Variants in MGAM observed in about 807,000 individuals in gnomAD.
MGAM encodes the protein maltase-glucoamylase.
In MGAM, 253 loss-of-function variants were observed where a neutral mutation model predicts 358.8. The ratio of observed to expected loss-of-function variants is 0.71; its 90% CI spans 0.64 to 0.78. MGAM has a LOEUF of 0.78. Among genes scored for constraint, MGAM ranks in the 30% least tolerant of loss-of-function variants. The probability of loss-of-function intolerance (pLI) is 0.00; values close to 1 mark genes in which losing one functional copy is unlikely to be tolerated. For missense variants in MGAM, 3,080 were observed against 3,432.6 expected (o/e 0.90, Z 2.57); for synonymous variants, 1,105 against 1,227.1 (o/e 0.90, Z 2.08).
chr7:142,001,804 T>G (rs1365028557), intron 1 of MGAM, among the ~76,000 whole-genome samples: 1 of 152,182 alleles, frequency 6.6e-6, no homozygotes, highest in Non-Finnish European at 1.5e-5. Flanking sequence ...GACTGACATA[T>G]TTTGTAGGAA....
chr7:142,042,009 A>AC (rs796671101), intron 21 of MGAM, among the ~76,000 whole-genome samples: 2,341 of 16,104 alleles, frequency 0.15, 328 homozygotes, highest in African/African-American at 0.38. Context: ...TTATATATAT[A>AC]ATATAATATA....
rs765963857 is a variant in MGAM at position 142,085,783 on chromosome 7, G to T, written c.6508-50G>T. On this transcript the variant is annotated intron_variant, in intron 54 of 70. Coordinates refer to ENST00000475668, the MANE Select transcript of MGAM (RefSeq NM_001365693.1). ...TGGTGGAGGCTTGTTCTCCTATAAA[G>T]CTTGGGCGTGTACAGCAGCAGCCTC... 2.7e-5 allele frequency: 42 copies of T among 1,539,408 alleles called. 5 individuals are homozygous for T. Among genetic ancestry groups the T allele is most frequent in the Non-Finnish European group, 3.5e-5 (39 of 1,123,992 alleles).
At chr7:141,994,634 G>T (rs191425282), upstream of MGAM, among the ~76,000 whole-genome samples, 257 of 152,314 alleles carry the variant, frequency 1.7e-3, 1 homozygote, top group African/African-American at 5.9e-3. Context: ...ATCTTGAATT[G>T]TAATCCCCAT....
chr7:142,105,667 C>A, intron 70 of MGAM, 147 bp from the exon 71 acceptor site: 1 of 597,082 alleles, frequency 1.7e-6, no homozygotes, highest in East Asian at 2.8e-5. Flanking sequence ...CCCTTCTCAT[C>A]TGAAACTTTG....
chr7:141,996,953 T>C (rs1804285880), intron 1 of MGAM, among the ~76,000 whole-genome samples: 1 of 152,098 alleles, frequency 6.6e-6, no homozygotes, highest in South Asian at 2.1e-4. Flanking sequence ...TAAATTGTTG[T>C]TGGCCCTTAA....
At chr7:142,041,955 TATA>T (rs1808715966) in intron 21 of MGAM, among the ~76,000 whole-genome samples, 1 of 25,250 alleles carries the variant, frequency 4.0e-5, no homozygotes, top group Non-Finnish European at 7.2e-5. Flanking sequence ...TATACATATA[TATA>T]ATATATATAT....
intron 2 of MGAM, among the ~76,000 whole-genome samples, chr7:141,990,875 A>G (rs1584877567): frequency 6.6e-6 from 1 of 151,960 alleles, no homozygotes; most frequent in South Asian, 2.1e-4. Flanking sequence ...CCACCCAGCT[A>G]TGGCTTTGAT....
chr7:142,074,106 T>C lies in MGAM; in HGVS notation c.5208T>C (p.Leu1736=). 6.5e-7 allele frequency: 1 copy of C among 1,544,334 alleles called. No individual in the cohort carries two copies. The highest frequency in any genetic ancestry group is 1.1e-5 in the South Asian group (1 of 88,874). Reference sequence around the variant, plus strand: ...ACAGTCGAAAGAACCCTCTTGGTCTTATTATTGCCCTAGATGAAAACAAAG... The same window carrying C: ...ACAGTCGAAAGAACCCTCTTGGTCTCATTATTGCCCTAGATGAAAACAAAG... ...THLSRKNPLG[L]IIALDENKEA... is the part of the protein sequence containing the mutation. Residue 1736 remains leucine, a synonymous_variant, in exon 45 of 71, where the codon CTT becomes CTC. Transcript: ENST00000475668.
chr7:142,047,756 C>G (rs776975310), intron 21 of MGAM, 29 bp from the exon 22 acceptor site: 3 of 1,587,418 alleles, frequency 1.9e-6, no homozygotes, highest in East Asian at 2.2e-5. Flanking sequence ...TGACTCCTGT[C>G]TTTGTGTCTT....
At chr7:142,058,487 G>A (rs1485277098) in intron 31 of MGAM, among the ~76,000 whole-genome samples, 159 bp downstream of exon 31, 1 of 152,174 alleles carries the variant, frequency 6.6e-6, no homozygotes, top group Non-Finnish European at 1.5e-5. Flanking sequence ...TATAGGTAAG[G>A]GCACTTGTTT....
intron 37 of MGAM, 139 bp from the exon 38 acceptor site, chr7:142,065,196 C>T: frequency 8.3e-7 from 1 of 1,201,128 alleles, no homozygotes; most frequent in Non-Finnish European, 1.2e-6. Context: ...AGTGGAACTC[C>T]TATTACAGCT....
At chr7:142,041,775 A>C (rs565452481) in intron 21 of MGAM, among the ~76,000 whole-genome samples, 5 of 146,184 alleles carry the variant, frequency 3.4e-5, no homozygotes, top group African/African-American at 1.3e-4. Flanking sequence ...TAATGATCCA[A>C]ATGAAACTTT....
chr7:142,008,471 G>C (rs782767791), intron 2 of MGAM, 35 bp from the exon 3 acceptor site: 5 of 1,561,642 alleles, frequency 3.2e-6, no homozygotes, highest in Non-Finnish European at 4.3e-6. Flanking sequence ...AATTAAATTT[G>C]TCTAATGGTC....
intron 17 of MGAM, among the ~76,000 whole-genome samples, chr7:142,036,573 A>C (rs1032915749): frequency 3.9e-5 from 6 of 152,232 alleles, no homozygotes; most frequent in African/African-American, 1.4e-4. Flanking sequence ...ATAAGAAGCA[A>C]ACAAGGAAAT....
chr7:142,032,840 T>C lies in MGAM; in HGVS notation c.1600T>C (p.Ser534Pro). 4 of 1,610,248 alleles carry C rather than the reference T, an allele frequency of 2.5e-6. No individual in the cohort carries two copies. In the East Asian group the frequency reaches 8.9e-5, roughly 36 times the overall value. The change falls in exon 14 of 71, where the codon TCC becomes CCC. Residue 534 changes from serine (S) to proline (P), a missense_variant. Coordinates refer to ENST00000475668, the MANE Select transcript of MGAM (RefSeq NM_001365693.1). ...DGIWIDMNEV[S>P]NFVDGSVSGC... The stretch of plus-strand genomic sequence containing the variant: ...TGTCTTGTAGGATATGAATGAAGTC[T>C]CCAACTTTGTTGATGGTTCGGTCTC...
At position 142,100,853 on chromosome 7, in the gene MGAM, T is replaced by G; in HGVS notation, c.7926T>G (p.Ala2642=). The part of the protein sequence containing the change: ...FKIALDDEGT[A]GGWLFWDDGQ... ...TTGCCTTGGATGATGAAGGAACTGC[T>G]GGGGGCTGGCTCTTCTGGGATGATG... is the stretch of plus-strand genomic sequence containing the variant. The change falls in exon 68 of 71, where the codon GCT becomes GCG. Residue 2642 remains alanine, a synonymous_variant. Transcript: ENST00000475668. 6.2e-7 allele frequency: 1 copy of G among 1,613,422 alleles called. No homozygotes were observed. Among genetic ancestry groups the G allele is most frequent in the Non-Finnish European group, 8.5e-7 (1 of 1,179,702 alleles).
chr7:142,052,193 TG>T, intron 24 of MGAM, 100 bp from the exon 25 acceptor site: 1 of 990,398 alleles, frequency 1.0e-6, no homozygotes, highest in Non-Finnish European at 1.4e-6. Context: ...TTTGAAAGTC[TG>T]GTCTAATTTC....
chr7:142,074,968 T>C lies in MGAM; in HGVS notation c.5275+795T>C, dbSNP rs554610248. Among the ~76,000 whole-genome samples the C allele has an allele frequency of 7.7e-4, 112 of 146,174 alleles. 11 individuals are homozygous for C. In the Middle Eastern group the frequency reaches 0.011, roughly 14 times the overall value. The stretch of plus-strand genomic sequence containing the variant: ...CCCCAGAACTTATTCATCTAAGAAC[T>C]GAAAGTTTGTACCCTTGACCATCAT... On this transcript the variant is annotated intron_variant, in intron 45 of 70. Transcript: ENST00000475668.
chr7:142,001,133 T>C (rs1804699164), intron 1 of MGAM, among the ~76,000 whole-genome samples: 1 of 152,224 alleles, frequency 6.6e-6, no homozygotes, highest in Non-Finnish European at 1.5e-5. Flanking sequence ...TTTATAGGAT[T>C]TCTTATGAAG....
Sources: allele counts gnomAD v4.1 joint callset (sites outside exome capture counted in the v4.1 genomes callset), GRCh38; gene constraint gnomAD v4.1.1; transcripts MANE v1.5; gene names NCBI Gene and HGNC (gene_info 2026-07-23, HGNC 2026-07-21).